The following ETV1 variants were observed in gnomAD, a reference collection of about 807,000 sequenced individuals.
ETV1 encodes the protein ETS variant transcription factor 1.
Under a neutral mutation model 62.3 loss-of-function variants are expected in ETV1, and 27 were observed. The observed-to-expected ratio is 0.43, with a 90% CI of 0.32 to 0.60. The LOEUF (loss-of-function observed/expected upper bound fraction) is 0.60, where lower values mean the gene tolerates loss of function less well. ETV1 is among the 20% of genes least tolerant of loss of function. ETV1 has a pLI of 0.06. For missense variants in ETV1, 605 were observed against 605.8 expected (o/e 1.00, Z 0.01); for synonymous variants, 222 against 199.6 (o/e 1.11, Z -0.94).
rs1253684313 is a variant in ETV1, at chr7:13,894,931, T to C, written c.*935A>G. On this transcript the variant is annotated 3_prime_UTR_variant, in exon 14 of 14. Transcript: ENST00000430479. The stretch of plus-strand genomic sequence containing the variant: ...GTAACTAGAACAGCATAATACATGA[T>C]TTAGTACAGTTAATTCTTATTGATT... The C allele has an allele frequency of 4.3e-6, 1 of 232,846 alleles. No homozygotes were observed. The highest frequency in any genetic ancestry group is 2.2e-5 in the African/African-American group (1 of 45,322). 14.4% of individuals were successfully genotyped at this position (232,846 alleles called of 1,614,324 possible).
At chr7:13,933,818 TC>T (rs1786472661) in intron 8 of ETV1, among the ~76,000 whole-genome samples, 2 of 152,176 alleles carry the variant, frequency 1.3e-5, no homozygotes, top group African/African-American at 2.4e-5. Context: ...CTCTTGGAGT[TC>T]CGGGCCGGCT....
chr7:13,988,926 C>T, intron 3 of ETV1, 82 bp downstream of exon 3: 2 of 1,354,450 alleles, frequency 1.5e-6, no homozygotes, highest in Non-Finnish European at 2.1e-6. Context: ...ACCCCCGTGC[C>T]CCCTCCCTTC....
At chr7:13,938,133 C>T (rs1044166504) in intron 7 of ETV1, among the ~76,000 whole-genome samples, 4 of 152,096 alleles carry the variant, frequency 2.6e-5, no homozygotes, top group Admixed American at 6.5e-5. Context: ...TCAGTAGAGA[C>T]GAGGTTTCTC....
intron 9 of ETV1, among the ~76,000 whole-genome samples, chr7:13,929,613 C>G (rs567423920): frequency 6.6e-6 from 1 of 152,136 alleles, no homozygotes; most frequent in South Asian, 2.1e-4. Flanking sequence ...CATGCCTTCA[C>G]GAACAACTGC....
intron 8 of ETV1, among the ~76,000 whole-genome samples, chr7:13,934,759 T>G (rs1396432172): frequency 6.6e-6 from 1 of 152,220 alleles, no homozygotes; most frequent in Non-Finnish European, 1.5e-5. Flanking sequence ...CATTACGCTG[T>G]GCTATTGCAT....
rs1328598238 is a variant in ETV1 at position 13,989,064 on chromosome 7, T to G, written c.-12A>C. 1 of 1,584,846 alleles carries G rather than the reference T, an allele frequency of 6.3e-7. No individual in the cohort carries two copies. The highest frequency in any genetic ancestry group is 8.6e-7 in the Non-Finnish European group (1 of 1,168,430). ...TAAAATCCATCCATGCTGCTGCTCTTCGCAAATCTCAGCTCAGTATTTTAT... is the reference window on the plus strand; with the variant it reads ...TAAAATCCATCCATGCTGCTGCTCTGCGCAAATCTCAGCTCAGTATTTTAT... On this transcript the variant is annotated 5_prime_UTR_variant, in exon 3 of 14. Transcript: ENST00000430479.
intron 9 of ETV1, among the ~76,000 whole-genome samples, chr7:13,914,474 T>C (rs575442698): frequency 1.4e-4 from 21 of 152,142 alleles, no homozygotes; most frequent in East Asian, 9.7e-4. Context: ...AACAAAGCCC[T>C]GTTGTCATTT....
chr7:13,913,122 G>A (rs1055963761), intron 9 of ETV1, among the ~76,000 whole-genome samples: 1 of 152,108 alleles, frequency 6.6e-6, no homozygotes, highest in African/African-American at 2.4e-5. Context: ...GCTAAGCGGC[G>A]ACTTCAAAGG....
At chr7:13,949,147 T>G (rs1788504537) in intron 6 of ETV1, among the ~76,000 whole-genome samples, 1 of 151,738 alleles carries the variant, frequency 6.6e-6, no homozygotes, top group Admixed American at 6.6e-5. Context: ...AAAATTTCAC[T>G]TGGCTATAGC....
intron 6 of ETV1, among the ~76,000 whole-genome samples, chr7:13,950,258 T>C (rs1788643295): frequency 6.6e-6 from 1 of 152,094 alleles, no homozygotes; most frequent in Non-Finnish European, 1.5e-5. Context: ...CTTCCTGAAG[T>C]AGATCCTTAG....
intron 6 of ETV1, among the ~76,000 whole-genome samples, chr7:13,966,264 C>T (rs1389427632): frequency 6.6e-6 from 1 of 152,154 alleles, no homozygotes; most frequent in Non-Finnish European, 1.5e-5. Flanking sequence ...GGTGTTAAGA[C>T]AGACACTGAT....
At chr7:13,935,559 A>G (rs1786705557) in intron 8 of ETV1, 149 bp downstream of exon 8, 1 of 607,664 alleles carries the variant, frequency 1.6e-6, no homozygotes, top group Admixed American at 3.0e-5. Flanking sequence ...AAGTATAGAT[A>G]GAGTGAGCTC....
chr7:13,988,764 C>T, intron 3 of ETV1: 1 of 1,611,628 alleles, frequency 6.2e-7, no homozygotes, highest in Non-Finnish European at 8.5e-7. Context: ...CTCTTCCACT[C>T]ATGTTGGGCA....
chr7:13,922,010 T>C (rs1175544037), intron 9 of ETV1, among the ~76,000 whole-genome samples: 5 of 152,184 alleles, frequency 3.3e-5, no homozygotes, highest in Admixed American at 6.5e-5. Flanking sequence ...AATTGTAATA[T>C]GTTGTCTAAC....
rs536474450 is a variant in ETV1 at position 13,923,998 on chromosome 7, G to T, written c.802+7504C>A. Among the ~76,000 whole-genome samples the T allele has an allele frequency of 1.8e-3, 280 of 151,878 alleles. 6 individuals are homozygous for T. Among genetic ancestry groups the T allele is most frequent in the Non-Finnish European group, 2.8e-4 (19 of 67,974 alleles). On this transcript the variant is annotated intron_variant, in intron 9 of 13. Transcript: ENST00000430479. Reference sequence around the variant, plus strand: ...TGTGGTGAGCTGAGATCGTGCCATTGTACTCCAGCCGGGGCAACAAGAGTG... The same window carrying T: ...TGTGGTGAGCTGAGATCGTGCCATTTTACTCCAGCCGGGGCAACAAGAGTG...
At chr7:13,935,623 T>C in intron 8 of ETV1, 85 bp downstream of exon 8, 2 of 1,136,026 alleles carry the variant, frequency 1.8e-6, no homozygotes, top group South Asian at 2.9e-5. Flanking sequence ...ACCTTAAATC[T>C]ACTCTAGGCC....
chr7:13,900,697 G>A, intron 13 of ETV1, 41 bp downstream of exon 13: 6 of 1,341,336 alleles, frequency 4.5e-6, no homozygotes. Context: ...AGATTAATGT[G>A]CAACATTTCA....
At chr7:13,906,355 T>C in intron 12 of ETV1, 75 bp downstream of exon 12, 1 of 949,536 alleles carries the variant, frequency 1.1e-6, no homozygotes, top group Middle Eastern at 2.3e-4. Context: ...ACATTTTTGG[T>C]ATATTAATCA....
intron 5 of ETV1, chr7:13,986,355 G>C: frequency 6.7e-7 from 1 of 1,489,300 alleles, no homozygotes; most frequent in African/African-American, 1.4e-5. Context: ...AATCTGAACA[G>C]AGGCTTAGAA....
Sources: allele counts gnomAD v4.1 joint callset (sites outside exome capture counted in the v4.1 genomes callset), GRCh38; gene constraint gnomAD v4.1.1; transcripts MANE v1.5; gene names NCBI Gene and HGNC (gene_info 2026-07-23, HGNC 2026-07-21).